The following PTAR1 variants were observed in gnomAD, a reference collection of about 807,000 sequenced individuals.
The protein encoded by PTAR1 is protein prenyltransferase alpha subunit repeat-containing protein 1.
In PTAR1, 17 loss-of-function variants were observed where a neutral mutation model predicts 45.5. The ratio of observed to expected loss-of-function variants is 0.37; its 90% confidence interval spans 0.26 to 0.56. The LOEUF (loss-of-function observed/expected upper bound fraction) is 0.56, where lower values mean the gene tolerates loss of function less well. Among genes scored for constraint, PTAR1 ranks in the 20% least tolerant of loss-of-function variants. PTAR1 has a pLI of 0.77. For missense variants in PTAR1, 391 were observed against 476.3 expected (o/e 0.82, Z 1.67); for synonymous variants, 169 against 171.3 (o/e 0.99, Z 0.11).
intron 2 of PTAR1, among the ~76,000 whole-genome samples, chr9:69,744,937 A>G (rs1826211503): frequency 6.6e-6 from 1 of 152,136 alleles, no homozygotes. Flanking sequence ...GGCCTTCCTT[A>G]AAGCCATACT....
chr9:69,749,537 G>C (rs1826431757), intron 2 of PTAR1, among the ~76,000 whole-genome samples: 1 of 151,944 alleles, frequency 6.6e-6, no homozygotes, highest in Admixed American at 6.6e-5. Context: ...CATAAATTTG[G>C]GCTATGGCTA....
chr9:69,737,592 G>A (rs1825849146), intron 3 of PTAR1, among the ~76,000 whole-genome samples: 1 of 152,150 alleles, frequency 6.6e-6, no homozygotes, highest in Admixed American at 6.5e-5. Context: ...AGGCATGTAA[G>A]GTGTTTGAAT....
chr9:69,749,972 C>T (rs745845735), intron 2 of PTAR1, among the ~76,000 whole-genome samples: 2 of 151,956 alleles, frequency 1.3e-5, no homozygotes, highest in African/African-American at 2.4e-5. Flanking sequence ...GCATATTGAG[C>T]GCTTTTGAAG....
At chr9:69,719,221 T>C (rs560357497) in intron 6 of PTAR1, among the ~76,000 whole-genome samples, 1 of 152,122 alleles carries the variant, frequency 6.6e-6, no homozygotes, top group Non-Finnish European at 1.5e-5. Context: ...CCTAAATCCA[T>C]CACCAACTAC....
In PTAR1 at chr9:69,732,305, A is replaced by G. The variant is rs761394172; in HGVS notation, c.476T>C (p.Phe159Ser). ...TGTTCCCAAGTTTCCTTTGGTCACA[A>G]AGGAAGGCAAGGAGGTTTCCTGAAT... ...QLIQETSLPS[F>S]VTKGNLGTIP... Residue 159 changes from phenylalanine (F) to serine (S), a missense_variant, in exon 5 of 8, where the codon TTT (phenylalanine) becomes TCT (serine). By Grantham distance (155) the Phe-to-Ser change is radical. Transcript: ENST00000340434. 1 of 1,613,890 alleles carries G rather than the reference A, an allele frequency of 6.2e-7. No individual in the cohort carries two copies. The highest frequency in any genetic ancestry group is 8.5e-7 in the Non-Finnish European group (1 of 1,179,814).
intron 1 of PTAR1, among the ~76,000 whole-genome samples, chr9:69,752,856 T>G (rs557820079): frequency 6.6e-6 from 1 of 152,188 alleles, no homozygotes; most frequent in East Asian, 1.9e-4. Context: ...TCTATCTAAT[T>G]CATTATTATG....
chr9:69,743,037 C>T (rs1826112476), intron 2 of PTAR1, among the ~76,000 whole-genome samples: 1 of 151,930 alleles, frequency 6.6e-6, no homozygotes, highest in African/African-American at 2.4e-5. Flanking sequence ...TTAAGGCAAC[C>T]CTACCAAGCT....
At position 69,741,811 on chromosome 9, in the gene PTAR1, T is replaced by C. The variant is rs765616078; in HGVS notation, c.304A>G (p.Thr102Ala). The C allele has an allele frequency of 1.3e-5, 21 of 1,600,474 alleles. No individual in the cohort carries two copies. The South Asian group carries it at 2.4e-4, about 18-fold the overall frequency. Residue 102 changes from threonine (T) to alanine (A), a missense_variant, in exon 3 of 8, where the codon ACC becomes GCC. Around this residue, in one of 5 missense-constraint regions of PTAR1, gnomAD observed 152 missense variants for 160.0 expected, o/e 0.95. Transcript: ENST00000340434. ...CTLLLLNPDF[T>A]TAWNVRKELI... is the part of the protein sequence containing the mutation. ...ACATACCTCACGTTCCATGCAGTGGTAAAGTCTGGGTTTAGAAGCAGCAGG... is the reference window on the plus strand; with the variant it reads ...ACATACCTCACGTTCCATGCAGTGGCAAAGTCTGGGTTTAGAAGCAGCAGG...
intron 2 of PTAR1, 104 bp downstream of exon 2, chr9:69,750,677 G>A (rs1201865969): frequency 1.2e-6 from 1 of 809,154 alleles, no homozygotes; most frequent in African/African-American, 1.7e-5. Flanking sequence ...AACAGAAGAA[G>A]CAGAACTAGA....
At chr9:69,735,541 C>T (rs1825748590) in intron 3 of PTAR1, among the ~76,000 whole-genome samples, 1 of 152,074 alleles carries the variant, frequency 6.6e-6, no homozygotes, top group African/African-American at 2.4e-5. Context: ...TACAGAGGGC[C>T]AACTATATAA....
intron 4 of PTAR1, among the ~76,000 whole-genome samples, chr9:69,732,793 A>G (rs1187927521): frequency 2.0e-5 from 3 of 152,158 alleles, no homozygotes; most frequent in African/African-American, 4.8e-5. Flanking sequence ...TTTGTTTGCA[A>G]ACAAGAAGCT....
chr9:69,739,240 C>T (rs1825930549), intron 3 of PTAR1, among the ~76,000 whole-genome samples: 1 of 152,126 alleles, frequency 6.6e-6, no homozygotes, highest in African/African-American at 2.4e-5. Context: ...AATCAATAGG[C>T]TATGAGTTCA....
At chr9:69,759,791 G>GCTTGGC in intron 1 of PTAR1, 62 bp downstream of exon 1, 1 of 1,483,370 alleles carries the variant, frequency 6.7e-7, no homozygotes, top group South Asian at 1.3e-5. Context: ...TCGGGTGGAC[G>GCTTGGC]CTTGGCCCCG....
intron 1 of PTAR1, among the ~76,000 whole-genome samples, chr9:69,752,169 A>G (rs977550578): frequency 6.6e-6 from 1 of 152,090 alleles, no homozygotes; most frequent in African/African-American, 2.4e-5. Flanking sequence ...ACTGGTTTTC[A>G]GAGTTTGTGT....
In PTAR1 at chr9:69,711,715, A is replaced by G. The variant is rs1179018538; in HGVS notation, c.*6627T>C. The G allele has an allele frequency of 3.3e-5, 5 of 152,142 alleles. No individual in the cohort carries two copies. The highest frequency in any genetic ancestry group is 1.2e-4 in the African/African-American group (5 of 41,450). 9.4% of individuals were successfully genotyped at this position (152,142 alleles called of 1,614,324 possible). A position where few individuals can be genotyped will look rare whatever the true frequency, so the allele number is the denominator to read the frequency against. ...ATTTATTAATATGCCTTGCACAAGA[A>G]AATACTACTTAATCTTTCACATCTC... On this transcript the variant is annotated 3_prime_UTR_variant, in exon 8 of 8. Coordinates refer to ENST00000340434, the MANE Select transcript of PTAR1 (RefSeq NM_001099666.2).
intron 2 of PTAR1, among the ~76,000 whole-genome samples, chr9:69,748,557 C>T (rs938504472): frequency 2.0e-5 from 3 of 152,068 alleles, no homozygotes; most frequent in Admixed American, 2.0e-4. Context: ...TTACAGAATA[C>T]ATTTTTAGGT....
At chr9:69,720,032 C>T (rs930616605) in intron 6 of PTAR1, among the ~76,000 whole-genome samples, 10 of 152,070 alleles carry the variant, frequency 6.6e-5, no homozygotes, top group African/African-American at 2.2e-4. Flanking sequence ...TGAAATTAGG[C>T]CAAGCAATAA....
intron 4 of PTAR1, among the ~76,000 whole-genome samples, chr9:69,733,163 A>C (rs1350591349): frequency 6.6e-6 from 1 of 152,190 alleles, no homozygotes; most frequent in African/African-American, 2.4e-5. Flanking sequence ...AAATTAGACA[A>C]GCCAAACTGA....
intron 1 of PTAR1, among the ~76,000 whole-genome samples, chr9:69,755,449 AC>A (rs1377727371): frequency 6.6e-6 from 1 of 152,170 alleles, no homozygotes; most frequent in Non-Finnish European, 1.5e-5. Context: ...AACACCATCA[AC>A]CAGAACAGAG....
Sources: gnomAD v4.1 joint callset for allele counts (sites outside exome capture counted in the v4.1 genomes callset) on GRCh38, gnomAD v4.1.1 for gene constraint, gnomAD v4.1.1 regional missense constraint, MANE v1.5 for transcripts, NCBI Gene and HGNC (gene_info 2026-07-23, HGNC 2026-07-21) for gene names.